CECR2: variants seen among roughly 807,000 people sequenced by gnomAD.
CECR2 encodes the protein CECR2 histone acetyl-lysine reader, also known as chromatin remodeling regulator CECR2.
A neutral mutation model predicts 154.5 loss-of-function variants in CECR2; 30 were observed. That is an observed-to-expected ratio of 0.19 (90% confidence interval 0.15 to 0.26). CECR2 has a LOEUF of 0.26. Among genes scored for constraint, CECR2 ranks in the 10% least tolerant of loss-of-function variants. The pLI, the probability that CECR2 is intolerant of heterozygous loss-of-function variation, is 1.00. For missense variants in CECR2, 1,743 were observed against 1,829.3 expected (o/e 0.95, Z 0.86); for synonymous variants, 725 against 683.7 (o/e 1.06, Z -0.94).
At chr22:17,394,223 T>TC (rs1491106650) in intron 1 of CECR2, among the ~76,000 whole-genome samples, 2 of 140,722 alleles carry the variant, frequency 1.4e-5, no homozygotes, top group East Asian at 2.0e-4. Flanking sequence ...TTTTTTTTTT[T>TC]AAGACGGTTT....
At chr22:17,536,451 G>A (rs2147006741) in intron 9 of CECR2, among the ~76,000 whole-genome samples, 1 of 152,252 alleles carries the variant, frequency 6.6e-6, no homozygotes, top group East Asian at 1.9e-4. Context: ...CTGTGGCTGG[G>A]AGCCAGGAAG....
At position 17,460,489 on chromosome 22, in the gene CECR2, C is replaced by T. The variant is rs59615049; in HGVS notation, c.127-17099C>T. On this transcript the variant is annotated intron_variant, in intron 1 of 18. Transcript: ENST00000262608. ...CCTCCCAAAGTGCAGGGATTGCAGGCGTGAGCCACCGCGCCCAGCCTCGAT... is the reference window on the plus strand; with the variant it reads ...CCTCCCAAAGTGCAGGGATTGCAGGTGTGAGCCACCGCGCCCAGCCTCGAT... Among the ~76,000 whole-genome samples the T allele has an allele frequency of 3.5e-3, 531 of 152,292 alleles. 3 individuals are homozygous for T. Among genetic ancestry groups the T allele is most frequent in the African/African-American group, 0.012 (496 of 41,574 alleles).
intron 1 of CECR2, among the ~76,000 whole-genome samples, chr22:17,412,960 T>C (rs879694384): frequency 6.6e-6 from 1 of 152,196 alleles, no homozygotes; most frequent in Non-Finnish European, 1.5e-5. Flanking sequence ...GATTAGACGT[T>C]GTTAAGTTTT....
At position 17,504,367 on chromosome 22, in the gene CECR2, G is replaced by A. The variant is rs116073487; in HGVS notation, c.701-480G>A. Among the ~76,000 whole-genome samples the A allele has an allele frequency of 4.0e-5, 6 of 151,642 alleles. No individual in the cohort carries two copies. The East Asian group carries it at 5.8e-4, about 15-fold the overall frequency. On this transcript the variant is annotated intron_variant, in intron 6 of 18. Coordinates refer to ENST00000262608, the MANE Select transcript of CECR2 (RefSeq NM_001290047.2). ...TCCAGCCTGGACAATAGAGCCAGAC[G>A]TTGTCTCAAAAAAAATAAAATTAAG...
At chr22:17,471,229 G>A (rs993127482) in intron 1 of CECR2, among the ~76,000 whole-genome samples, 1 of 152,102 alleles carries the variant, frequency 6.6e-6, no homozygotes, top group Non-Finnish European at 1.5e-5. Context: ...TGGAAAATTG[G>A]GTCTAAGCGA....
chr22:17,384,777 T>C (rs1467299885), intron 1 of CECR2, among the ~76,000 whole-genome samples: 2 of 152,222 alleles, frequency 1.3e-5, no homozygotes, highest in African/African-American at 4.8e-5. Context: ...AATCAGCCTG[T>C]CCTTTGAAGC....
intron 16 of CECR2, among the ~76,000 whole-genome samples, chr22:17,543,654 G>C (rs1267614519): frequency 6.6e-6 from 1 of 151,370 alleles, no homozygotes; most frequent in Non-Finnish European, 1.5e-5. Context: ...CTGCCTCCCA[G>C]GTTCAAGCAA....
At chr22:17,423,285 G>C (rs2054283987) in intron 1 of CECR2, among the ~76,000 whole-genome samples, 1 of 152,084 alleles carries the variant, frequency 6.6e-6, no homozygotes, top group African/African-American at 2.4e-5. Context: ...AGACTGGACT[G>C]GAGTTGGGTG....
chr22:17,443,571 CT>C (rs2054614644), intron 1 of CECR2, among the ~76,000 whole-genome samples: 1 of 152,116 alleles, frequency 6.6e-6, no homozygotes, highest in Non-Finnish European at 1.5e-5. Flanking sequence ...AAAAAAGTTA[CT>C]GCTTAAAATT....
rs1312908607 is a variant in CECR2 at position 17,410,449 on chromosome 22, GTTTTGTT to G, written c.126+40553_126+40559del. Among the ~76,000 whole-genome samples, 19 of 151,400 alleles carry G rather than the reference GTTTTGTT, an allele frequency of 1.3e-4. No individual in the cohort carries two copies. The South Asian group carries it at 3.3e-3, about 27-fold the overall frequency. On this transcript the variant is annotated intron_variant, in intron 1 of 18. Coordinates refer to ENST00000262608, the MANE Select transcript of CECR2 (RefSeq NM_001290047.2). ...ATAAAAACAAGCGTTTTTTTGTTTT[GTTTTGTT>G]TTTTGTTTTTTGAGACAGTCTCTCT... is the stretch of plus-strand genomic sequence containing the variant.
rs376422746 is a variant in CECR2, at chr22:17,549,119, C to T, written c.3832C>T (p.Pro1278Ser). ...KVPNDGQNPG[P>S]EEEKLDESME... ...CCCAAATGACGGGCAGAATCCTGGT[C>T]CAGAGGAAGAGAAGCTGGATGAATC... is the stretch of plus-strand genomic sequence containing the variant. The change falls in exon 17 of 19, where the codon CCA becomes TCA. Residue 1278 changes from proline to serine, a missense_variant. By Grantham distance (74) the Pro-to-Ser change is moderately conservative. Around this residue, in one of 4 missense-constraint regions of CECR2, gnomAD observed 1,250 missense variants for 1,192.1 expected, o/e 1.05. Transcript: ENST00000262608. 5.6e-6 allele frequency: 9 copies of T among 1,613,814 alleles called. No homozygotes were observed. The African/African-American group carries it at 6.7e-5, about 12-fold the overall frequency.
In CECR2 at chr22:17,546,810, G is replaced by C. The variant is rs529964688; in HGVS notation, c.2861-1338G>C. On this transcript the variant is annotated intron_variant, in intron 16 of 18. Coordinates refer to ENST00000262608, the MANE Select transcript of CECR2 (RefSeq NM_001290047.2). ...TCCCAGCACTTTGGGAGGCTGAGGC[G>C]GGTGGATCACCTGAGGTCGGGAGTT... is the stretch of plus-strand genomic sequence containing the variant. 3.3e-5 allele frequency among the ~76,000 whole-genome samples: 5 copies of C among 152,018 alleles called. No individual in the cohort carries two copies. In the South Asian group the frequency reaches 8.3e-4, roughly 25 times the overall value.
chr22:17,516,729 G>T (rs1305216159), intron 8 of CECR2, among the ~76,000 whole-genome samples: 3 of 152,116 alleles, frequency 2.0e-5, no homozygotes. Context: ...CGAGTAGCTG[G>T]GATTACATGC....
intron 1 of CECR2, among the ~76,000 whole-genome samples, chr22:17,472,975 GC>G (rs2055152312): frequency 1.3e-5 from 2 of 152,134 alleles, no homozygotes; most frequent in South Asian, 4.1e-4. Flanking sequence ...TGTTCCCGCT[GC>G]TGTGAGAGGT....
intron 1 of CECR2, among the ~76,000 whole-genome samples, chr22:17,390,577 G>A (rs1279618449): frequency 6.6e-6 from 1 of 152,134 alleles, no homozygotes; most frequent in Non-Finnish European, 1.5e-5. Flanking sequence ...ACAAGTTGGC[G>A]TGCAGTTTTC....
At chr22:17,470,516 G>A (rs1026892743) in intron 1 of CECR2, among the ~76,000 whole-genome samples, 7 of 152,004 alleles carry the variant, frequency 4.6e-5, no homozygotes, top group Non-Finnish European at 5.9e-5. Flanking sequence ...GAAGTCCCAC[G>A]TTAAACTTCT....
chr22:17,461,471 TC>T (rs1815085525), intron 1 of CECR2, among the ~76,000 whole-genome samples: 1 of 152,172 alleles, frequency 6.6e-6, no homozygotes, highest in African/African-American at 2.4e-5. Flanking sequence ...CATCTGTACT[TC>T]CTGTTGGGGT....
intron 1 of CECR2, among the ~76,000 whole-genome samples, chr22:17,385,804 G>A (rs183526336): frequency 2.6e-4 from 39 of 152,328 alleles, no homozygotes; most frequent in Admixed American, 2.0e-3. Context: ...ACAGTACAAC[G>A]AGGTGGGCCT....
chr22:17,422,584 AGTCATTGTT>A (rs1277157439), intron 1 of CECR2, among the ~76,000 whole-genome samples: 1 of 152,080 alleles, frequency 6.6e-6, no homozygotes, highest in Non-Finnish European at 1.5e-5. Context: ...ATAAATTTTC[AGTCATTGTT>A]GTTTTAAATA....
Sources: allele counts gnomAD v4.1 joint callset (sites outside exome capture counted in the v4.1 genomes callset), GRCh38; gene constraint gnomAD v4.1.1; regional missense constraint gnomAD v4.1.1; transcripts MANE v1.5; gene names NCBI Gene and HGNC (gene_info 2026-07-23, HGNC 2026-07-21).